The following MED12L variants were observed in gnomAD, a reference collection of about 807,000 sequenced individuals.
MED12L encodes mediator of RNA polymerase II transcription subunit 12-like protein.
A neutral mutation model predicts 281.3 loss-of-function variants in MED12L; 60 were observed. The ratio of observed to expected loss-of-function variants is 0.21; its 90% CI spans 0.17 to 0.26. The LOEUF (loss-of-function observed/expected upper bound fraction) is 0.26. Among genes scored for constraint, MED12L ranks in the 10% least tolerant of loss-of-function variants. MED12L has a pLI of 1.00. For synonymous variants in MED12L, 974 were observed against 987.2 expected (o/e 0.99, Z 0.25); for missense variants, 2,146 against 2,680.9 (o/e 0.80, Z 4.41).
chr3:151,168,277 T>G lies in MED12L; in HGVS notation c.1494+2295T>G, dbSNP rs568168411. Among the ~76,000 whole-genome samples the G allele has an allele frequency of 7.4e-4, 113 of 152,294 alleles. No homozygotes were observed. The South Asian group carries it at 0.023, about 31-fold the overall frequency. ...GTTCAGATTATAATTTTCAAAAGCT[T>G]CTTTTGTCTCTGGAAATGAATGTAA... On this transcript the variant is annotated intron_variant, in intron 11 of 44. Transcript: ENST00000687756.
intron 12 of MED12L, among the ~76,000 whole-genome samples, chr3:151,186,850 C>G (rs1723353249): frequency 6.6e-6 from 1 of 152,180 alleles, no homozygotes; most frequent in African/African-American, 2.4e-5. Flanking sequence ...AGCTGGACAG[C>G]AGAAAGCTCA....
intron 16 of MED12L, among the ~76,000 whole-genome samples, chr3:151,332,961 T>G (rs904734247): frequency 6.6e-5 from 10 of 152,150 alleles, no homozygotes; most frequent in African/African-American, 1.7e-4. Context: ...ATGAATTCAA[T>G]GTTTAGCTCC....
At chr3:151,086,692 C>A (rs932522740) in intron 1 of MED12L, 106 bp from the exon 2 acceptor site, 1 of 378,704 alleles carries the variant, frequency 2.6e-6, no homozygotes, top group African/African-American at 2.1e-5. Flanking sequence ...CGGTGCGTCC[C>A]GGGGCTCGAG....
chr3:151,149,639 A>G (rs1231998890), intron 5 of MED12L, among the ~76,000 whole-genome samples: 1 of 152,190 alleles, frequency 6.6e-6, no homozygotes, highest in African/African-American at 2.4e-5. Flanking sequence ...TGCCACATTC[A>G]TTGACTCTTC....
At chr3:151,169,079 A>C (rs1018430973) in intron 11 of MED12L, among the ~76,000 whole-genome samples, 1 of 149,646 alleles carries the variant, frequency 6.7e-6, no homozygotes, top group African/African-American at 2.5e-5. Flanking sequence ...TTACTCCTTA[A>C]CAGGGGTTAC....
intron 16 of MED12L, chr3:151,328,965 T>G: frequency 6.2e-7 from 1 of 1,613,308 alleles, no homozygotes; most frequent in East Asian, 2.2e-5. Flanking sequence ...TCAGATCTGT[T>G]GAAGCCTTGC....
intron 3 of MED12L, among the ~76,000 whole-genome samples, chr3:151,118,685 T>C (rs555572028): frequency 1.3e-5 from 2 of 151,094 alleles, no homozygotes; most frequent in South Asian, 2.1e-4. Context: ...TCCAGGTTTA[T>C]ATTCCTCTCC....
Position 151,394,742 on chromosome 3 carries a change from G to T in MED12L, c.5695G>T (p.Ala1899Ser). The change falls in exon 39 of 45, where the codon GCC becomes TCC. Residue 1899 changes from alanine to serine, a missense_variant. Physicochemically the swap from Ala to Ser is moderately conservative, Grantham distance 99. Coordinates refer to ENST00000687756, the MANE Select transcript of MED12L (RefSeq NM_001393769.1). Reference protein sequence around the residue: ...LSNMLQRRSGAMMQPPSLHAI... With the variant: ...LSNMLQRRSGSMMQPPSLHAI... Reference sequence around the variant, plus strand: ...AAACATGCTACAGCGGCGCTCAGGCGCCATGATGCAGCCGCCTTCTCTTCA... The same window carrying T: ...AAACATGCTACAGCGGCGCTCAGGCTCCATGATGCAGCCGCCTTCTCTTCA... 6.2e-7 allele frequency: 1 copy of T among 1,614,254 alleles called. No individual in the cohort carries two copies. The highest frequency in any genetic ancestry group is 1.6e-4 in the Middle Eastern group (1 of 6,062).
In MED12L at chr3:151,109,582, A is replaced by G. The variant is rs186151968; in HGVS notation, c.100-6756A>G. On this transcript the variant is annotated intron_variant, in intron 2 of 44. Coordinates refer to ENST00000687756, the MANE Select transcript of MED12L (RefSeq NM_001393769.1). ...AAATCTGTTGAAATCCATGTGCACAATGGTTTGGTGCACTGCTACTCTGGG... is the reference window on the plus strand; with the variant it reads ...AAATCTGTTGAAATCCATGTGCACAGTGGTTTGGTGCACTGCTACTCTGGG... Among the ~76,000 whole-genome samples, 14 of 152,178 alleles carry G rather than the reference A, an allele frequency of 9.2e-5. No individual in the cohort carries two copies. In the East Asian group the frequency reaches 1.2e-3, roughly 13 times the overall value.
At chr3:151,329,041 A>G (rs954437328) in intron 16 of MED12L, 3 of 1,456,764 alleles carry the variant, frequency 2.1e-6, no homozygotes, top group Non-Finnish European at 2.8e-6. Context: ...AAACAAAAGA[A>G]AACAAAAAGC....
At chr3:151,246,007 A>G (rs1373026601) in intron 16 of MED12L, among the ~76,000 whole-genome samples, 3 of 150,684 alleles carry the variant, frequency 2.0e-5, no homozygotes, top group Non-Finnish European at 3.0e-5. Context: ...TCATGAGTGA[A>G]CTCCCATTCA....
chr3:151,298,502 T>G (rs1290673810), intron 16 of MED12L, among the ~76,000 whole-genome samples: 4 of 152,246 alleles, frequency 2.6e-5, no homozygotes, highest in Non-Finnish European at 5.9e-5. Context: ...GATTGTATAG[T>G]GCAGGGCTTG....
chr3:151,206,443 A>G (rs1726369236), intron 16 of MED12L, among the ~76,000 whole-genome samples: 1 of 151,944 alleles, frequency 6.6e-6, no homozygotes, highest in African/African-American at 2.4e-5. Context: ...TATTGCGTCA[A>G]CATTTCATTT....
At chr3:151,398,285 T>C (rs1165766087) in intron 39 of MED12L, among the ~76,000 whole-genome samples, 2 of 152,224 alleles carry the variant, frequency 1.3e-5, no homozygotes, top group Non-Finnish European at 2.9e-5. Flanking sequence ...TAAACATAAA[T>C]TCCTGAACTC....
chr3:151,199,190 G>A (rs745746327), intron 16 of MED12L: 1 of 1,613,916 alleles, frequency 6.2e-7, no homozygotes, highest in African/African-American at 1.3e-5. Flanking sequence ...CACTGGTAAT[G>A]CCAGAGTAAG....
At chr3:151,394,253 A>G (rs868095534) in intron 38 of MED12L, among the ~76,000 whole-genome samples, 8 of 152,352 alleles carry the variant, frequency 5.3e-5, no homozygotes, top group Admixed American at 2.0e-4. Context: ...TTTGATGAAA[A>G]GTACAAAAGG....
At chr3:151,103,719 A>G (rs1465921871) in intron 2 of MED12L, among the ~76,000 whole-genome samples, 4 of 152,200 alleles carry the variant, frequency 2.6e-5, no homozygotes, top group Non-Finnish European at 5.9e-5. Flanking sequence ...CATGTGAGGT[A>G]GGTGGGGTGA....
rs1176564711 is a variant in MED12L at position 151,416,429 on chromosome 3, C to T, written c.6408+7C>T. 2 of 1,613,156 alleles carry T rather than the reference C, an allele frequency of 1.2e-6. No homozygotes were observed. Among genetic ancestry groups the T allele is most frequent in the Admixed American group, 3.3e-5 (2 of 59,894 alleles). ...GCAGCCCCAGCAGCCCTTGGTAAGG[C>T]CTGTTGTTTTGGAATCAGACATGTG... On this transcript the variant is annotated splice_region_variant and intron_variant, in intron 43 of 44. Transcript: ENST00000687756.
intron 21 of MED12L, among the ~76,000 whole-genome samples, chr3:151,363,960 TCATTCCTGGCTGC>T (rs1369354086): frequency 6.6e-6 from 1 of 152,134 alleles, no homozygotes; most frequent in African/African-American, 2.4e-5. Context: ...TTCGAGGGAC[TCATTCCTGGCTGC>T]CATTGATGCA....
Sources: gnomAD v4.1 joint callset for allele counts (sites outside exome capture counted in the v4.1 genomes callset) on GRCh38, gnomAD v4.1.1 for gene constraint, MANE v1.5 for transcripts, NCBI Gene and HGNC (gene_info 2026-07-23, HGNC 2026-07-21) for gene names.